The following LANCL1 variants were observed in gnomAD, a reference collection of about 807,000 sequenced individuals.
LANCL1 encodes the protein LanC like glutathione S-transferase 1.
Under a neutral mutation model 50.6 loss-of-function variants are expected in LANCL1, and 50 were observed. The ratio of observed to expected loss-of-function variants is 0.99; its 90% confidence interval spans 0.79 to 1.25. The LOEUF is 1.25. Among genes scored for constraint, LANCL1 ranks in the 50% most tolerant of loss-of-function variants. LANCL1 has a pLI of 0.00. For synonymous variants in LANCL1, 188 were observed against 178.6 expected, an observed-to-expected ratio of 1.05 and a Z score of -0.42; for missense variants, 532 against 480.7, an observed-to-expected ratio of 1.11 and a Z score of -1.00.
intron 2 of LANCL1, among the ~76,000 whole-genome samples, chr2:210,475,516 A>C (rs1426263721): frequency 6.6e-6 from 1 of 152,112 alleles, no homozygotes; most frequent in African/African-American, 2.4e-5. Flanking sequence ...AAATTTTAGT[A>C]GAGATAAGGT....
rs954704151 is a variant in LANCL1 at position 210,437,749 on chromosome 2, G to A, written c.814C>T (p.Leu272Phe). 1 of 1,612,296 alleles carries A rather than the reference G, an allele frequency of 6.2e-7. No individual in the cohort carries two copies. The highest frequency in any genetic ancestry group is 8.5e-7 in the Non-Finnish European group (1 of 1,179,168). The stretch of plus-strand genomic sequence containing the variant: ...GGGGCGCCATGGCACCAATGGACAA[G>A]CAGATCTCGATTATCACCTATACAT... The part of the protein sequence containing the change: ...PPCIGDNRDL[L>F]VHWCHGAPGV... The change falls in exon 7 of 10, where the codon CTT becomes TTT. Residue 272 changes from leucine (L) to phenylalanine (F), a missense_variant. Coordinates refer to ENST00000450366, the MANE Select transcript of LANCL1 (RefSeq NM_006055.3).
chr2:210,452,274 C>T lies in LANCL1; in HGVS notation c.407+2833G>A, dbSNP rs1429250278. 3.3e-5 allele frequency among the ~76,000 whole-genome samples: 5 copies of T among 150,968 alleles called. No individual in the cohort carries two copies. In the South Asian group the frequency reaches 1.1e-3, roughly 32 times the overall value. ...TGTCCATTACTGACTCGTCACACTA[C>T]AAGAAGGGAGGTTATATATTTCTGG... is the stretch of plus-strand genomic sequence containing the variant. On this transcript the variant is annotated intron_variant, in intron 4 of 9. Coordinates refer to ENST00000450366, the MANE Select transcript of LANCL1 (RefSeq NM_006055.3).
chr2:210,464,976 A>AC (rs879832912), intron 3 of LANCL1, among the ~76,000 whole-genome samples: 62,443 of 145,504 alleles, frequency 0.43, 14,609 homozygotes, highest in East Asian at 0.61. Flanking sequence ...CCGTCTCAAA[A>AC]AAAAAAAAAA....
At position 210,450,709 on chromosome 2, in the gene LANCL1, G is replaced by A. The variant is rs547720823; in HGVS notation, c.407+4398C>T. On this transcript the variant is annotated intron_variant, in intron 4 of 9. Transcript: ENST00000450366. ...CTTCTCAAAAGAAGACATTTATGTG[G>A]CCAACAAAGATATGAAAAAAAGCTC... Among the ~76,000 whole-genome samples, 16 of 152,298 alleles carry A rather than the reference G, an allele frequency of 1.1e-4. No homozygotes were observed. The South Asian group carries it at 3.3e-3, about 32-fold the overall frequency.
At chr2:210,467,043 C>A (rs1694086007) in intron 3 of LANCL1, among the ~76,000 whole-genome samples, 1 of 152,102 alleles carries the variant, frequency 6.6e-6, no homozygotes, top group Non-Finnish European at 1.5e-5. Context: ...TAACAGAAAG[C>A]AACTTGATGA....
Position 210,476,614 on chromosome 2 carries a change from A to C in LANCL1, c.-17+6T>G. The C allele has an allele frequency of 7.5e-7, 1 of 1,334,596 alleles. No homozygotes were observed. Among genetic ancestry groups the C allele is most frequent in the South Asian group, 2.0e-5 (1 of 50,006 alleles). 82.7% of individuals were successfully genotyped at this position (1,334,596 alleles called of 1,614,324 possible). On this transcript the variant is annotated splice_donor_region_variant and intron_variant, in intron 1 of 9. Coordinates refer to ENST00000450366, the MANE Select transcript of LANCL1 (RefSeq NM_006055.3). ...CGCGAAAAAGCTGCCAGGGCCCTTAACCCACCCGGACAAAGAGGCCCCGTT... is the reference window on the plus strand; with the variant it reads ...CGCGAAAAAGCTGCCAGGGCCCTTACCCCACCCGGACAAAGAGGCCCCGTT...
At chr2:210,435,172 G>A (rs1367359239) in intron 9 of LANCL1, among the ~76,000 whole-genome samples, 2 of 152,174 alleles carry the variant, frequency 1.3e-5, no homozygotes, top group East Asian at 3.9e-4. Flanking sequence ...CATGTGCCTG[G>A]CTCCATAAAA....
chr2:210,463,652 G>C (rs1380797179), intron 3 of LANCL1, among the ~76,000 whole-genome samples: 1 of 152,100 alleles, frequency 6.6e-6, no homozygotes, highest in East Asian at 1.9e-4. Context: ...GAACATTATA[G>C]AAGTAATTTG....
At chr2:210,454,915 C>T (rs1693618164) in intron 4 of LANCL1, among the ~76,000 whole-genome samples, 192 bp downstream of exon 4, 1 of 152,162 alleles carries the variant, frequency 6.6e-6, no homozygotes, top group African/African-American at 2.4e-5. Flanking sequence ...TGTCTTTTAT[C>T]TTGCACTAAA....
At chr2:210,470,701 T>C (rs1005910079) in intron 3 of LANCL1, among the ~76,000 whole-genome samples, 30 of 152,104 alleles carry the variant, frequency 2.0e-4, no homozygotes, top group African/African-American at 7.0e-4. Context: ...TAATAAGAGA[T>C]TGCTATTATT....
intron 4 of LANCL1, among the ~76,000 whole-genome samples, chr2:210,446,183 G>T (rs1004266165): frequency 6.6e-6 from 1 of 152,192 alleles, no homozygotes; most frequent in African/African-American, 2.4e-5. Context: ...CCTCCCAGCA[G>T]GGGTCGACAG....
At chr2:210,440,019 G>T (rs1157073963) in intron 6 of LANCL1, among the ~76,000 whole-genome samples, 1 of 152,194 alleles carries the variant, frequency 6.6e-6, no homozygotes, top group African/African-American at 2.4e-5. Context: ...TATGTCTGCT[G>T]CAGTAAATTC....
At chr2:210,455,433 TG>T in intron 3 of LANCL1, 119 bp from the exon 4 acceptor site, 1 of 803,356 alleles carries the variant, frequency 1.2e-6, no homozygotes, top group Non-Finnish European at 1.9e-6. Context: ...ATTAATGATC[TG>T]GAAGTTTGGG....
At chr2:210,448,697 C>T (rs949222860) in intron 4 of LANCL1, among the ~76,000 whole-genome samples, 14 of 152,140 alleles carry the variant, frequency 9.2e-5, no homozygotes, top group Admixed American at 5.9e-4. Context: ...CACAGGAATA[C>T]AAACTACCAT....
chr2:210,458,177 G>A (rs1301075853), intron 3 of LANCL1, among the ~76,000 whole-genome samples: 2 of 152,154 alleles, frequency 1.3e-5, no homozygotes, highest in African/African-American at 4.8e-5. Context: ...TAATCCTGGA[G>A]GACTGTGAAG....
At chr2:210,459,213 CGTAA>C (rs1211576849) in intron 3 of LANCL1, among the ~76,000 whole-genome samples, 2 of 151,736 alleles carry the variant, frequency 1.3e-5, no homozygotes, top group African/African-American at 2.4e-5. Flanking sequence ...ATGTCATATT[CGTAA>C]GTATGACTAT....
intron 3 of LANCL1, among the ~76,000 whole-genome samples, chr2:210,466,001 C>A (rs1694046212): frequency 6.6e-6 from 1 of 152,170 alleles, no homozygotes; most frequent in Non-Finnish European, 1.5e-5. Context: ...TATAAAGCTG[C>A]CAACCCCTTG....
chr2:210,453,608 T>C (rs1346587744), intron 4 of LANCL1, among the ~76,000 whole-genome samples: 1 of 152,230 alleles, frequency 6.6e-6, no homozygotes, highest in Admixed American at 6.5e-5. Context: ...TGGCATTATA[T>C]ATAGAATATT....
Position 210,441,372 on chromosome 2 carries a change from T to G in LANCL1, c.479A>C (p.Tyr160Ser). 4 of 1,613,290 alleles carry G rather than the reference T, an allele frequency of 2.5e-6. No homozygotes were observed. Among genetic ancestry groups the G allele is most frequent in the Middle Eastern group, 1.7e-4 (1 of 6,058 alleles). The change falls in exon 5 of 10, where the codon TAT (tyrosine) becomes TCT (serine). Residue 160 changes from tyrosine to serine, a missense_variant. Physicochemically the swap from Tyr to Ser is moderately radical, Grantham distance 144. Coordinates refer to ENST00000450366, the MANE Select transcript of LANCL1 (RefSeq NM_006055.3). ...EMLYGRIGYI[Y>S]ALLFVNKNFG... ...GTTCTTATTGACAAAAAGAAGAGCATAGATGTAGCCTATTCGCCCATAGAG... is the reference window on the plus strand; with the variant it reads ...GTTCTTATTGACAAAAAGAAGAGCAGAGATGTAGCCTATTCGCCCATAGAG...
Sources: gnomAD v4.1 joint callset for allele counts (sites outside exome capture counted in the v4.1 genomes callset) on GRCh38, gnomAD v4.1.1 for gene constraint, MANE v1.5 for transcripts, NCBI Gene and HGNC (gene_info 2026-07-23, HGNC 2026-07-21) for gene names.